ZFHX3: variants seen among roughly 807,000 people sequenced by gnomAD.
ZFHX3 encodes zinc finger homeobox 3.
ZFHX3 carries 42 observed loss-of-function variants against 279.1 expected under a neutral mutation model. The observed-to-expected ratio is 0.15, with a 90% confidence interval of 0.12 to 0.19. The LOEUF (loss-of-function observed/expected upper bound fraction) is 0.19. Among genes scored for constraint, ZFHX3 ranks in the 10% least tolerant of loss-of-function variants. The pLI, the probability that ZFHX3 is intolerant of heterozygous loss-of-function variation, is 1.00. For synonymous variants in ZFHX3, 2,293 were observed against 1,957.8 expected (o/e 1.17, Z -4.52); for missense variants, 4,981 against 4,754.0 (o/e 1.05, Z -1.40).
chr16:73,484,869 T>C (rs1023607048), intron 2 of ZFHX3, among the ~76,000 whole-genome samples: 9 of 152,096 alleles, frequency 5.9e-5, no homozygotes, highest in African/African-American at 7.2e-5. Context: ...TTCATACAAA[T>C]GTACAATGTT....
chr16:73,105,374 TATATATATAC>T (rs1567389779), intron 7 of ZFHX3, among the ~76,000 whole-genome samples: 6 of 39,648 alleles, frequency 1.5e-4, no homozygotes, highest in African/African-American at 5.9e-4. Flanking sequence ...TACACACATA[TATATATATAC>T]ACACACACAC....
Position 72,800,089 on chromosome 16 carries a change from A to G in ZFHX3, c.3905T>C (p.Leu1302Pro). The G allele has an allele frequency of 6.2e-7, 1 of 1,614,194 alleles. No homozygotes were observed. Among genetic ancestry groups the G allele is most frequent in the Non-Finnish European group, 8.5e-7 (1 of 1,180,028 alleles). The change falls in exon 8 of 10, where the codon CTC becomes CCC. Residue 1302 changes from leucine to proline, a missense_variant. This residue lies in a region of ZFHX3 where 1,751 missense variants were observed against 1,770.0 expected (regional missense o/e 0.99). Transcript: ENST00000268489. ...ATCTCGATCTGGAACAGCTGCTGGG[A>G]GGAACATGCTGCTTGGCATCACCAT... ...PEMVMPSSMF[L>P]PAAVPDRDGN...
chr16:73,864,516 C>T (rs887741931), intron 1 of ZFHX3, among the ~76,000 whole-genome samples: 4 of 152,100 alleles, frequency 2.6e-5, no homozygotes, highest in African/African-American at 9.7e-5. Context: ...GCCAGGAGCT[C>T]GAGACCAGCC....
At chr16:72,825,294 G>T (rs1344357730) in intron 5 of ZFHX3, among the ~76,000 whole-genome samples, 1 of 152,190 alleles carries the variant, frequency 6.6e-6, no homozygotes, top group Non-Finnish European at 1.5e-5. Flanking sequence ...ACATCCTGGT[G>T]GTTATCGTGT....
At chr16:73,093,593 C>T (rs541886636) in exon 8 of ZFHX3, 7 of 511,554 alleles carry the variant, frequency 1.4e-5, no homozygotes, top group South Asian at 4.3e-5. Flanking sequence ...GCTAACCGGT[C>T]GTCTCCTGCA....
intron 1 of ZFHX3, among the ~76,000 whole-genome samples, chr16:73,769,005 GC>G (rs1241857871): frequency 6.6e-6 from 1 of 152,026 alleles, no homozygotes; most frequent in Non-Finnish European, 1.5e-5. Context: ...GTACAAATAT[GC>G]CCCATGCCAT....
chr16:73,798,230 T>C, intron 1 of ZFHX3, among the ~76,000 whole-genome samples: 1 of 152,058 alleles, frequency 6.6e-6, no homozygotes, highest in African/African-American at 2.4e-5. Context: ...ATTGAAGTAA[T>C]GAGATGGAAA....
chr16:73,250,251 A>G (rs1462370773), intron 5 of ZFHX3, among the ~76,000 whole-genome samples: 2 of 152,230 alleles, frequency 1.3e-5, no homozygotes, highest in South Asian at 4.1e-4. Flanking sequence ...TATACCAAGC[A>G]TGGTGCTTGT....
In ZFHX3 at chr16:73,566,765, C is replaced by A. The variant is rs573858492; in HGVS notation, c.-1546-110507G>T. On this transcript the variant is annotated intron_variant, in intron 2 of 17. Coordinates refer to the ZFHX3 transcript ENST00000641206. ...GCTGGAGCGCAATGGGTGGCGCGAT[C>A]TCGGCTCACTGCAACCTCTGCCTCC... Among the ~76,000 whole-genome samples the A allele has an allele frequency of 1.2e-3, 179 of 149,172 alleles. 1 individual carries two copies. Among genetic ancestry groups the A allele is most frequent in the Middle Eastern group, 3.4e-3 (1 of 292 alleles).
At chr16:72,817,057 A>T (rs2036628432) in intron 5 of ZFHX3, among the ~76,000 whole-genome samples, 1 of 152,260 alleles carries the variant, frequency 6.6e-6, no homozygotes, top group South Asian at 2.1e-4. Flanking sequence ...ATTACGTTGT[A>T]AGCATATAGA....
chr16:73,724,017 C>T (rs1178753867), intron 1 of ZFHX3, among the ~76,000 whole-genome samples: 1 of 152,116 alleles, frequency 6.6e-6, no homozygotes, highest in African/African-American at 2.4e-5. Context: ...AATGATAATT[C>T]GATGATTTTT....
chr16:72,868,151 A>G (rs1300350822), intron 4 of ZFHX3, among the ~76,000 whole-genome samples: 7 of 152,272 alleles, frequency 4.6e-5, no homozygotes, highest in African/African-American at 1.7e-4. Context: ...TAAGTAATAC[A>G]TAAATGTAAT....
intron 1 of ZFHX3, among the ~76,000 whole-genome samples, chr16:73,716,468 C>T (rs1317556253): frequency 6.6e-6 from 1 of 152,156 alleles, no homozygotes; most frequent in African/African-American, 2.4e-5. Flanking sequence ...CCTTAATCCA[C>T]CCCTTGCAAC....
intron 5 of ZFHX3, among the ~76,000 whole-genome samples, chr16:73,222,059 C>G (rs943133776): frequency 5.9e-5 from 9 of 151,922 alleles, no homozygotes; most frequent in Non-Finnish European, 1.5e-5. Context: ...TTTCACATCT[C>G]TGATTGTTTC....
chr16:73,373,147 G>T (rs983276355), intron 3 of ZFHX3, among the ~76,000 whole-genome samples: 2 of 152,016 alleles, frequency 1.3e-5, no homozygotes, highest in Non-Finnish European at 2.9e-5. Context: ...AGGTTTGGGG[G>T]GGGGGTGGTT....
intron 8 of ZFHX3, among the ~76,000 whole-genome samples, chr16:73,075,922 A>G (rs1030247237): frequency 6.6e-6 from 1 of 152,060 alleles, no homozygotes; most frequent in Admixed American, 6.6e-5. Flanking sequence ...GAGCCACCGC[A>G]CCCGGCCAGC....
intron 4 of ZFHX3, among the ~76,000 whole-genome samples, chr16:72,835,934 A>C (rs1348679618): frequency 6.6e-6 from 1 of 152,196 alleles, no homozygotes; most frequent in Non-Finnish European, 1.5e-5. Context: ...TGCAGGCTTT[A>C]TTTTGCAAAT....
chr16:73,526,882 A>T (rs1198575777), intron 2 of ZFHX3, among the ~76,000 whole-genome samples: 2 of 151,814 alleles, frequency 1.3e-5, no homozygotes, highest in Admixed American at 1.3e-4. Context: ...TCTACTTCTT[A>T]TCTAGTATTC....
At chr16:73,867,900 T>C (rs1201462291) in intron 1 of ZFHX3, among the ~76,000 whole-genome samples, 1 of 152,162 alleles carries the variant, frequency 6.6e-6, no homozygotes, top group African/African-American at 2.4e-5. Flanking sequence ...ACTTTGCATC[T>C]TGAACACAAG....
Sources: allele counts gnomAD v4.1 joint callset (sites outside exome capture counted in the v4.1 genomes callset), GRCh38; gene constraint gnomAD v4.1.1; regional missense constraint gnomAD v4.1.1; transcripts MANE v1.5; gene names NCBI Gene and HGNC (gene_info 2026-07-23, HGNC 2026-07-21).